The following NUMB variants were observed in gnomAD, a reference collection of about 807,000 sequenced individuals.
The protein encoded by NUMB is NUMB endocytic adaptor protein.
NUMB carries 29 observed loss-of-function variants against 59.7 expected under a neutral mutation model. That is an observed-to-expected ratio of 0.49 (90% CI 0.36 to 0.66). The LOEUF is 0.66. NUMB is among the 30% of genes least tolerant of loss of function. The probability of loss-of-function intolerance (pLI) is 0.00; values close to 1 mark genes in which losing one functional copy is unlikely to be tolerated. For missense variants in NUMB, 723 were observed against 822.0 expected, an observed-to-expected ratio of 0.88 and a Z score of 1.47; for synonymous variants, 288 against 288.2, an observed-to-expected ratio of 1.00 and a Z score of 0.01.
chr14:73,370,305 G>A (rs1289139285), intron 2 of NUMB, among the ~76,000 whole-genome samples: 1 of 152,128 alleles, frequency 6.6e-6, no homozygotes, highest in African/African-American at 2.4e-5. Flanking sequence ...GGAAATCTTT[G>A]AACTACCTAT....
intron 12 of NUMB, 95 bp downstream of exon 12, chr14:73,279,186 C>T (rs1888429113): frequency 3.6e-6 from 5 of 1,384,418 alleles, no homozygotes; most frequent in Non-Finnish European, 4.1e-6. Context: ...TGAAAGGATT[C>T]CTCCCTAGTT....
intron 6 of NUMB, among the ~76,000 whole-genome samples, chr14:73,301,401 CA>C (rs1890122444): frequency 6.6e-6 from 1 of 152,170 alleles, no homozygotes; most frequent in Admixed American, 6.5e-5. Flanking sequence ...AGTCTCCTTA[CA>C]ATATTCAGGG....
chr14:73,409,687 A>G (rs1896823448), intron 2 of NUMB: 1 of 152,228 alleles, frequency 6.6e-6, no homozygotes, highest in Non-Finnish European at 1.5e-5. Context: ...TCATAAATAC[A>G]ATCTGGAAAA....
intron 2 of NUMB, among the ~76,000 whole-genome samples, chr14:73,372,308 TATATATATA>T: frequency 3.1e-5 from 2 of 65,544 alleles, no homozygotes; most frequent in African/African-American, 1.7e-4. Context: ...ATTTCTTTTA[TATATATATA>T]TATATATATA....
chr14:73,301,417 G>T (rs1191451919), intron 6 of NUMB, among the ~76,000 whole-genome samples: 1 of 152,188 alleles, frequency 6.6e-6, no homozygotes, highest in Non-Finnish European at 1.5e-5. Context: ...TCAGGGAAAT[G>T]TAACATTTTC....
chr14:73,348,355 C>T (rs895750225), intron 4 of NUMB, among the ~76,000 whole-genome samples: 4 of 152,278 alleles, frequency 2.6e-5, no homozygotes, highest in South Asian at 2.1e-4. Flanking sequence ...CAAAACAAAA[C>T]GCACTCTAAA....
chr14:73,439,185 G>A (rs1304290477), intron 1 of NUMB, among the ~76,000 whole-genome samples: 1 of 152,178 alleles, frequency 6.6e-6, no homozygotes, highest in Non-Finnish European at 1.5e-5. Flanking sequence ...ACTGCCAGAA[G>A]TCAAGCCAGC....
intron 6 of NUMB, among the ~76,000 whole-genome samples, chr14:73,305,162 T>A (rs1890357210): frequency 6.6e-6 from 1 of 152,176 alleles, no homozygotes; most frequent in African/African-American, 2.4e-5. Context: ...GGACATATGA[T>A]CTCTATTGCA....
At position 73,284,333 on chromosome 14, in the gene NUMB, C is replaced by A. The variant is rs1888831040; in HGVS notation, c.697G>T (p.Gly233Cys). Reference sequence around the variant, plus strand: ...GAGGATGGGGATGGGGCAGTGTTGCCAGGGGCAACTGATGAACCAACGACT... The same window carrying A: ...GAGGATGGGGATGGGGCAGTGTTGCAAGGGGCAACTGATGAACCAACGACT... The part of the protein sequence containing the change: ...KIVVGSSVAP[G>C]NTAPSPSSPT... Residue 233 changes from glycine to cysteine, a missense_variant, in exon 10 of 13, where the codon GGC (glycine) becomes TGC (cysteine). This residue lies in a region of NUMB where 317 missense variants were observed against 436.6 expected (regional missense o/e 0.73). Coordinates refer to ENST00000555238, the MANE Select transcript of NUMB (RefSeq NM_001005743.2). The A allele has an allele frequency of 6.2e-7, 1 of 1,613,850 alleles. No individual in the cohort carries two copies.
At chr14:73,455,878 TAAAA>T (rs1196775280) in intron 1 of NUMB, among the ~76,000 whole-genome samples, 1 of 152,088 alleles carries the variant, frequency 6.6e-6, no homozygotes, top group Non-Finnish European at 1.5e-5. Context: ...GGTACAGTGA[TAAAA>T]AAGAAAGGGT....
intron 6 of NUMB, among the ~76,000 whole-genome samples, chr14:73,300,616 C>A (rs1254011513): frequency 5.9e-5 from 9 of 152,118 alleles, no homozygotes; most frequent in Non-Finnish European, 1.5e-5. Flanking sequence ...CTTTCTACAT[C>A]TGTATAATGA....
At chr14:73,307,498 G>A (rs1320315306) in intron 6 of NUMB, among the ~76,000 whole-genome samples, 1 of 152,058 alleles carries the variant, frequency 6.6e-6, no homozygotes, top group Non-Finnish European at 1.5e-5. Flanking sequence ...GTTACAGCAA[G>A]TACAAAGGCC....
At chr14:73,353,072 G>GGTTTTTTTTTT in intron 4 of NUMB, among the ~76,000 whole-genome samples, 1 of 58,522 alleles carries the variant, frequency 1.7e-5, no homozygotes, top group African/African-American at 5.7e-5. Flanking sequence ...AGTTTTTCTT[G>GGTTTTTTTTTT]TTTTTTTTTT....
At chr14:73,341,993 G>A (rs1892656976) in intron 4 of NUMB, among the ~76,000 whole-genome samples, 1 of 152,092 alleles carries the variant, frequency 6.6e-6, no homozygotes, top group African/African-American at 2.4e-5. Context: ...GTCCTTAAGA[G>A]TTACTAAACG....
intron 6 of NUMB, among the ~76,000 whole-genome samples, chr14:73,302,704 G>T (rs1162969346): frequency 6.6e-6 from 1 of 151,836 alleles, no homozygotes; most frequent in Non-Finnish European, 1.5e-5. Flanking sequence ...GAGCCACTGC[G>T]CCTGGCCAAT....
intron 2 of NUMB, among the ~76,000 whole-genome samples, chr14:73,385,473 A>C (rs886912671): frequency 4.0e-5 from 6 of 150,448 alleles, no homozygotes; most frequent in Admixed American, 2.0e-4. Flanking sequence ...TTTAAATCAA[A>C]ATAGCTACAT....
chr14:73,378,188 T>C (rs964337578), intron 2 of NUMB, among the ~76,000 whole-genome samples: 1 of 151,980 alleles, frequency 6.6e-6, no homozygotes, highest in Admixed American at 6.6e-5. Flanking sequence ...AACTGCAAAT[T>C]AAAACAACCA....
chr14:73,315,913 G>T (rs1257975421), intron 6 of NUMB, among the ~76,000 whole-genome samples: 1 of 152,032 alleles, frequency 6.6e-6, no homozygotes, highest in Admixed American at 6.5e-5. Context: ...TTGAGACAGA[G>T]TCTCACTCTG....
In NUMB at chr14:73,331,362, G is replaced by A. The variant is rs1044338096; in HGVS notation, c.127-8158C>T. Among the ~76,000 whole-genome samples the A allele has an allele frequency of 5.3e-5, 8 of 152,166 alleles. No individual in the cohort carries two copies. In the East Asian group the frequency reaches 7.8e-4, roughly 15 times the overall value. On this transcript the variant is annotated intron_variant, in intron 4 of 12. Transcript: ENST00000555238. ...AGATCAAGACCATCCTGGCTAACACGGTGAAACCCCATCTCTCCTAAAAAT... is the reference window on the plus strand; with the variant it reads ...AGATCAAGACCATCCTGGCTAACACAGTGAAACCCCATCTCTCCTAAAAAT...
Sources: allele counts gnomAD v4.1 joint callset (sites outside exome capture counted in the v4.1 genomes callset), GRCh38; gene constraint gnomAD v4.1.1; regional missense constraint gnomAD v4.1.1; transcripts MANE v1.5; gene names NCBI Gene and HGNC (gene_info 2026-07-23, HGNC 2026-07-21).